Variants in GALNT17 observed in about 807,000 individuals in gnomAD.
GALNT17 encodes the protein polypeptide N-acetylgalactosaminyltransferase 17.
A neutral mutation model predicts 63.7 loss-of-function variants in GALNT17; 29 were observed. The ratio of observed to expected loss-of-function variants is 0.46; its 90% confidence interval spans 0.34 to 0.62. The LOEUF (loss-of-function observed/expected upper bound fraction) is 0.62, where lower values mean the gene tolerates loss of function less well. Among genes scored for constraint, GALNT17 ranks in the 20% least tolerant of loss-of-function variants. GALNT17 has a pLI of 0.01. For missense variants in GALNT17, 603 were observed against 799.6 expected, an observed-to-expected ratio of 0.75 and a Z score of 2.97; for synonymous variants, 305 against 318.3, an observed-to-expected ratio of 0.96 and a Z score of 0.45.
intron 1 of GALNT17, among the ~76,000 whole-genome samples, chr7:71,319,354 T>G (rs1355976562): frequency 6.6e-6 from 1 of 152,146 alleles, no homozygotes; most frequent in African/African-American, 2.4e-5. Context: ...AGGTCCATTC[T>G]TGGAATCTAC....
chr7:71,630,973 G>C (rs972579533), intron 6 of GALNT17, among the ~76,000 whole-genome samples: 2 of 152,216 alleles, frequency 1.3e-5, no homozygotes, highest in Non-Finnish European at 2.9e-5. Context: ...TGTTCAATGA[G>C]CACTTACTGG....
At chr7:71,445,802 C>T (rs1787151448) in intron 5 of GALNT17, among the ~76,000 whole-genome samples, 1 of 152,094 alleles carries the variant, frequency 6.6e-6, no homozygotes, top group Admixed American at 6.5e-5. Context: ...GCTGGGCTTT[C>T]CCCTGGAGTG....
At chr7:71,156,583 TTC>T (rs1788238958) in intron 1 of GALNT17, among the ~76,000 whole-genome samples, 1 of 79,506 alleles carries the variant, frequency 1.3e-5, no homozygotes, top group South Asian at 3.0e-4. Flanking sequence ...TGAGATGTCC[TTC>T]CTTCCTTCCT....
At chr7:71,589,952 T>C (rs796144013) in intron 6 of GALNT17, among the ~76,000 whole-genome samples, 53 of 152,346 alleles carry the variant, frequency 3.5e-4, no homozygotes, top group African/African-American at 1.3e-3. Context: ...GATGCTTGTA[T>C]ATAATGCATA....
At chr7:71,619,657 T>C (rs2116968745) in intron 6 of GALNT17, among the ~76,000 whole-genome samples, 1 of 152,370 alleles carries the variant, frequency 6.6e-6, no homozygotes, top group Middle Eastern at 3.4e-3. Context: ...CCTGAAACTT[T>C]ACTTAAGTCG....
intron 2 of GALNT17, among the ~76,000 whole-genome samples, chr7:71,340,963 A>G (rs12155139): frequency 0.65 from 99,319 of 152,034 alleles, 32,876 homozygotes; most frequent in African/African-American, 0.76. Context: ...GCTTGAACCT[A>G]GGACATAGAG....
chr7:71,258,709 A>C (rs911736037), intron 1 of GALNT17, among the ~76,000 whole-genome samples: 1 of 152,168 alleles, frequency 6.6e-6, no homozygotes, highest in African/African-American at 2.4e-5. Flanking sequence ...TGATGTATTC[A>C]TAGGAGTTTG....
At chr7:71,294,744 A>G (rs985926300) in intron 1 of GALNT17, among the ~76,000 whole-genome samples, 4 of 152,146 alleles carry the variant, frequency 2.6e-5, no homozygotes, top group Non-Finnish European at 5.9e-5. Context: ...TGCTTTATAC[A>G]GACATCTATT....
chr7:71,156,232 A>C (rs1352605399), intron 1 of GALNT17, among the ~76,000 whole-genome samples: 2 of 151,704 alleles, frequency 1.3e-5, no homozygotes, highest in African/African-American at 4.9e-5. Context: ...ACTTGGACAC[A>C]CATCGTGCCT....
At chr7:71,548,489 A>G (rs1789023615) in intron 5 of GALNT17, among the ~76,000 whole-genome samples, 1 of 152,174 alleles carries the variant, frequency 6.6e-6, no homozygotes, top group Non-Finnish European at 1.5e-5. Flanking sequence ...ATCTGGTAGA[A>G]GGTAATTGAA....
chr7:71,174,042 C>T (rs1788591757), intron 1 of GALNT17, among the ~76,000 whole-genome samples: 1 of 152,130 alleles, frequency 6.6e-6, no homozygotes, highest in Admixed American at 6.5e-5. Context: ...TTGGAGGCGA[C>T]TCAAGAGATT....
At chr7:71,174,529 C>T (rs914518844) in intron 1 of GALNT17, among the ~76,000 whole-genome samples, 10 of 152,092 alleles carry the variant, frequency 6.6e-5, no homozygotes, top group Admixed American at 1.3e-4. Context: ...GGGTGCAGGC[C>T]GGCTGAGTCC....
chr7:71,445,187 T>C (rs570645551), intron 5 of GALNT17, among the ~76,000 whole-genome samples: 124 of 148,966 alleles, frequency 8.3e-4, no homozygotes, highest in African/African-American at 2.9e-3. Context: ...TTCTTTTTTT[T>C]TTTTTTTTTG....
intron 1 of GALNT17, among the ~76,000 whole-genome samples, chr7:71,213,391 G>A (rs138983881): frequency 9.2e-5 from 14 of 152,234 alleles, no homozygotes; most frequent in East Asian, 3.9e-4. Flanking sequence ...TATCAGCAGC[G>A]TGAAAACAGA....
chr7:71,383,640 C>T (rs1203186229), intron 2 of GALNT17, among the ~76,000 whole-genome samples: 1 of 152,056 alleles, frequency 6.6e-6, no homozygotes, highest in African/African-American at 2.4e-5. Flanking sequence ...CACTGTGTTC[C>T]CCAAGCTGGT....
chr7:71,157,714 T>C (rs1395034454), intron 1 of GALNT17, among the ~76,000 whole-genome samples: 1 of 151,878 alleles, frequency 6.6e-6, no homozygotes, highest in Non-Finnish European at 1.5e-5. Flanking sequence ...TCTTTACCAT[T>C]TTAAGTGTAC....
chr7:71,404,752 G>GAA (rs1300230902), intron 3 of GALNT17, among the ~76,000 whole-genome samples: 3 of 152,300 alleles, frequency 2.0e-5, no homozygotes, highest in African/African-American at 7.2e-5. Context: ...GTATTGTTTA[G>GAA]AAGAGTTGGA....
At chr7:71,552,132 C>T (rs558652339) in intron 5 of GALNT17, among the ~76,000 whole-genome samples, 4 of 152,048 alleles carry the variant, frequency 2.6e-5, no homozygotes, top group Admixed American at 6.5e-5. Context: ...GCAACCTCCA[C>T]CTCCTGGGTT....
intron 1 of GALNT17, chr7:71,301,007 G>A (rs1194933946): frequency 1.3e-5 from 2 of 152,210 alleles, no homozygotes; most frequent in Non-Finnish European, 2.9e-5. Context: ...AATTATTGAG[G>A]TCAGGCATGG....
Sources: allele counts gnomAD v4.1 joint callset (sites outside exome capture counted in the v4.1 genomes callset), GRCh38; gene constraint gnomAD v4.1.1; transcripts MANE v1.5; gene names NCBI Gene and HGNC (gene_info 2026-07-23, HGNC 2026-07-21).